HPSE2: variants seen among roughly 807,000 people sequenced by gnomAD.
HPSE2 encodes the protein heparanase 2 (inactive).
HPSE2 carries 38 observed loss-of-function variants against 60.5 expected under a neutral mutation model. The ratio of observed to expected loss-of-function variants is 0.63; its 90% CI spans 0.48 to 0.82. The LOEUF is 0.82. HPSE2 is among the 40% of genes least tolerant of loss of function. The probability of loss-of-function intolerance (pLI) is 0.00; values close to 1 mark genes in which losing one functional copy is unlikely to be tolerated. For missense variants in HPSE2, 713 were observed against 740.4 expected (o/e 0.96, Z 0.43); for synonymous variants, 295 against 293.2 (o/e 1.01, Z -0.06).
At chr10:98,855,992 C>A (rs555330546) in intron 3 of HPSE2, among the ~76,000 whole-genome samples, 10 of 152,274 alleles carry the variant, frequency 6.6e-5, no homozygotes, top group Middle Eastern at 3.4e-3. Flanking sequence ...AATGAGGTAA[C>A]CATAGCAACA....
chr10:98,691,367 T>C (rs990493210), intron 6 of HPSE2, among the ~76,000 whole-genome samples: 6 of 152,200 alleles, frequency 3.9e-5, no homozygotes, highest in Non-Finnish European at 7.3e-5. Context: ...CCAATATTTT[T>C]TAAGTAGTCA....
At chr10:98,943,686 T>C (rs966208991) in intron 3 of HPSE2, among the ~76,000 whole-genome samples, 2 of 152,170 alleles carry the variant, frequency 1.3e-5, no homozygotes, top group Non-Finnish European at 2.9e-5. Context: ...AGCTGTCATA[T>C]CATGAGGACA....
At chr10:98,810,271 G>A (rs149921585) in intron 3 of HPSE2, among the ~76,000 whole-genome samples, 131 of 152,140 alleles carry the variant, frequency 8.6e-4, no homozygotes, top group African/African-American at 2.9e-3. Flanking sequence ...GCAACCAGGG[G>A]TGGATCCAAG....
intron 6 of HPSE2, among the ~76,000 whole-genome samples, chr10:98,667,374 C>T (rs968921897): frequency 6.6e-6 from 1 of 152,156 alleles, no homozygotes; most frequent in African/African-American, 2.4e-5. Flanking sequence ...ATCAATCATA[C>T]TGAAACTATT....
In HPSE2 at chr10:98,554,827, C is replaced by G. The variant is rs535917762; in HGVS notation, c.1320+60077G>C. Among the ~76,000 whole-genome samples, 6 of 152,272 alleles carry G rather than the reference C, an allele frequency of 3.9e-5. No individual in the cohort carries two copies. In the South Asian group the frequency reaches 1.2e-3, roughly 32 times the overall value. On this transcript the variant is annotated intron_variant, in intron 9 of 11. Transcript: ENST00000370552. ...GGTCATGTTTCCTCTCTGGCTTGGTCTCTTCATAGCTAAGACAAAGGGGTT... is the reference window on the plus strand; with the variant it reads ...GGTCATGTTTCCTCTCTGGCTTGGTGTCTTCATAGCTAAGACAAAGGGGTT...
intron 3 of HPSE2, among the ~76,000 whole-genome samples, chr10:98,915,309 G>A (rs531601559): frequency 9.4e-4 from 142 of 151,676 alleles, no homozygotes; most frequent in South Asian, 2.1e-3. Context: ...CACCATGCCC[G>A]GCTAATTTTT....
intron 2 of HPSE2, among the ~76,000 whole-genome samples, chr10:99,168,067 A>G (rs1202781851): frequency 6.9e-6 from 1 of 145,856 alleles, no homozygotes; most frequent in African/African-American, 2.5e-5. Flanking sequence ...CTCTGCATCT[A>G]TTGAGGTGAT....
At chr10:99,022,284 C>T (rs922122440) in intron 3 of HPSE2, among the ~76,000 whole-genome samples, 6 of 152,008 alleles carry the variant, frequency 3.9e-5, no homozygotes, top group African/African-American at 1.5e-4. Context: ...TGCCCACCCA[C>T]GGAGGGAGCA....
At chr10:98,805,351 C>T (rs1475353313) in intron 3 of HPSE2, among the ~76,000 whole-genome samples, 2 of 151,960 alleles carry the variant, frequency 1.3e-5, no homozygotes, top group Non-Finnish European at 2.9e-5. Flanking sequence ...AGACCTGGTA[C>T]ATTTAAAATA....
intron 3 of HPSE2, among the ~76,000 whole-genome samples, chr10:99,051,998 C>T: frequency 6.6e-6 from 1 of 151,026 alleles, no homozygotes; most frequent in East Asian, 1.9e-4. Context: ...TCCAGATTCT[C>T]CAGGGTATAT....
chr10:98,975,945 T>C (rs1280584932), intron 3 of HPSE2, among the ~76,000 whole-genome samples: 3 of 152,114 alleles, frequency 2.0e-5, no homozygotes, highest in Non-Finnish European at 2.9e-5. Flanking sequence ...GTTTTAGAAA[T>C]AGAATAGAAC....
chr10:98,837,657 G>A (rs1951820896), intron 3 of HPSE2, among the ~76,000 whole-genome samples: 1 of 152,052 alleles, frequency 6.6e-6, no homozygotes, highest in African/African-American at 2.4e-5. Context: ...GGCGGATCAC[G>A]AGGTCAGCAG....
At chr10:99,100,539 G>A (rs1320088785) in intron 3 of HPSE2, among the ~76,000 whole-genome samples, 1 of 152,196 alleles carries the variant, frequency 6.6e-6, no homozygotes, top group Non-Finnish European at 1.5e-5. Flanking sequence ...AAGTGACGGG[G>A]AGAACGGAAC....
In HPSE2 at chr10:98,482,668, C is replaced by T. The variant is rs887320534; in HGVS notation, c.1581G>A (p.Leu527=). 1 of 1,614,178 alleles carries T rather than the reference C, an allele frequency of 6.2e-7. No individual in the cohort carries two copies. The highest frequency in any genetic ancestry group is 1.3e-5 in the African/African-American group (1 of 75,038). The change falls in exon 11 of 12, where the codon CTG becomes CTA. Residue 527 remains leucine, a synonymous_variant. Transcript: ENST00000370552. ...LRDKLVHQYL[L]QPYGQEGLKS... ...TTAGGCCCTCCTGCCCATAGGGCTG[C>T]AGCAGGTACTGGTGAACCAGCTTGT...
At chr10:98,778,260 GAGAC>G (rs1950384673) in intron 3 of HPSE2, among the ~76,000 whole-genome samples, 2 of 140,966 alleles carry the variant, frequency 1.4e-5, no homozygotes, top group Non-Finnish European at 3.0e-5. Flanking sequence ...CAGTGAGAGA[GAGAC>G]AGAGAGAGAG....
Position 98,888,341 on chromosome 10 carries a change from A to T in HPSE2, c.611-144285T>A, listed in dbSNP as rs1420083241. Among the ~76,000 whole-genome samples, 5 of 151,806 alleles carry T rather than the reference A, an allele frequency of 3.3e-5. No individual in the cohort carries two copies. In the South Asian group the frequency reaches 1.0e-3, roughly 31 times the overall value. ...TTAGTCTTAGGGTCACTATAAAGAA[A>T]TCATCTTTACTGAAGGTGAAAAGGA... On this transcript the variant is annotated intron_variant, in intron 3 of 11. Coordinates refer to ENST00000370552, the MANE Select transcript of HPSE2 (RefSeq NM_021828.5).
intron 3 of HPSE2, among the ~76,000 whole-genome samples, chr10:99,106,387 T>C (rs1844248884): frequency 6.6e-6 from 1 of 152,110 alleles, no homozygotes; most frequent in African/African-American, 2.4e-5. Context: ...ATTTTTATTA[T>C]AAATGTTGGG....
intron 3 of HPSE2, among the ~76,000 whole-genome samples, chr10:98,880,944 C>G (rs1033782933): frequency 6.6e-6 from 1 of 152,088 alleles, no homozygotes; most frequent in Admixed American, 6.6e-5. Flanking sequence ...GGTTAATCCT[C>G]TCTACTATCA....
chr10:98,728,810 C>A (rs1021381014), intron 4 of HPSE2, among the ~76,000 whole-genome samples: 4 of 151,950 alleles, frequency 2.6e-5, no homozygotes, highest in Admixed American at 2.6e-4. Context: ...GTGTTCAAGA[C>A]CATCCTAGGC....
Sources: allele counts gnomAD v4.1 joint callset (sites outside exome capture counted in the v4.1 genomes callset), GRCh38; gene constraint gnomAD v4.1.1; transcripts MANE v1.5; gene names NCBI Gene and HGNC (gene_info 2026-07-23, HGNC 2026-07-21).